Variants in CBFB observed in about 807,000 individuals in gnomAD.
CBFB encodes CBF-beta.
In CBFB, 9 loss-of-function variants were observed where a neutral mutation model predicts 30.4. The observed-to-expected ratio is 0.30, with a 90% CI of 0.18 to 0.52. The LOEUF (loss-of-function observed/expected upper bound fraction) is 0.52. Among genes scored for constraint, CBFB ranks in the 20% least tolerant of loss-of-function variants. CBFB has a pLI of 0.97. For missense variants in CBFB, 170 were observed against 244.0 expected, an observed-to-expected ratio of 0.70 and a Z score of 2.02; for synonymous variants, 94 against 84.0, an observed-to-expected ratio of 1.12 and a Z score of -0.65.
At chr16:67,057,445 GT>G (rs1322603458) in intron 3 of CBFB, among the ~76,000 whole-genome samples, 1 of 152,098 alleles carries the variant, frequency 6.6e-6, no homozygotes, top group African/African-American at 2.4e-5. Context: ...CTTTGATTAA[GT>G]TTTAGGCTAA....
At chr16:67,045,335 A>G (rs1317399829) in intron 3 of CBFB, among the ~76,000 whole-genome samples, 1 of 151,926 alleles carries the variant, frequency 6.6e-6, no homozygotes, top group African/African-American at 2.4e-5. Context: ...GGCCAACGTG[A>G]TGAAACCCCA....
chr16:67,057,555 T>C (rs571253489), intron 3 of CBFB, among the ~76,000 whole-genome samples: 2 of 152,282 alleles, frequency 1.3e-5, no homozygotes, highest in Non-Finnish European at 2.9e-5. Flanking sequence ...CCCCTGACAA[T>C]GTAATATAAC....
chr16:67,071,854 G>A (rs956815850), intron 4 of CBFB, among the ~76,000 whole-genome samples: 3 of 152,082 alleles, frequency 2.0e-5, no homozygotes, highest in African/African-American at 7.2e-5. Flanking sequence ...TTCTCCAGAT[G>A]TCTGTCTTGT....
At chr16:67,056,147 G>A (rs1960717112) in intron 3 of CBFB, among the ~76,000 whole-genome samples, 1 of 152,152 alleles carries the variant, frequency 6.6e-6, no homozygotes, top group Non-Finnish European at 1.5e-5. Context: ...TTCATTTTGT[G>A]CTTTTTGTTG....
At chr16:67,057,858 T>G (rs556055307) in intron 3 of CBFB, among the ~76,000 whole-genome samples, 9 of 152,302 alleles carry the variant, frequency 5.9e-5, no homozygotes, top group African/African-American at 1.4e-4. Flanking sequence ...TTTGTTCCAT[T>G]AAGTTGTAGC....
At chr16:67,030,030 G>C in intron 2 of CBFB, 1 of 456,718 alleles carries the variant, frequency 2.2e-6, no homozygotes, top group Non-Finnish European at 3.8e-6. Flanking sequence ...GGCGCGTGTC[G>C]GCCAACGGAG....
chr16:67,067,748 A>C (rs907451833), intron 4 of CBFB, among the ~76,000 whole-genome samples: 1 of 152,230 alleles, frequency 6.6e-6, no homozygotes, highest in Admixed American at 6.5e-5. Context: ...TGGGAAAAAA[A>C]AAATCCATGC....
At chr16:67,060,481 T>G (rs927321175) in intron 3 of CBFB, among the ~76,000 whole-genome samples, 2 of 152,200 alleles carry the variant, frequency 1.3e-5, no homozygotes, top group African/African-American at 4.8e-5. Context: ...CCCTGGCAAC[T>G]ACTTATCTCC....
At chr16:67,072,323 C>G (rs1231909447) in intron 4 of CBFB, among the ~76,000 whole-genome samples, 1 of 152,084 alleles carries the variant, frequency 6.6e-6, no homozygotes, top group East Asian at 1.9e-4. Flanking sequence ...TATCTTTATG[C>G]TAATCTTCTG....
intron 4 of CBFB, among the ~76,000 whole-genome samples, chr16:67,068,201 G>A (rs1040771198): frequency 3.3e-5 from 5 of 152,188 alleles, no homozygotes; most frequent in African/African-American, 1.2e-4. Context: ...AAAGACAGCT[G>A]TGCGCAGTGG....
At chr16:67,085,872 G>A (rs1398871435) in intron 5 of CBFB, among the ~76,000 whole-genome samples, 1 of 151,784 alleles carries the variant, frequency 6.6e-6, no homozygotes, top group East Asian at 1.9e-4. Flanking sequence ...TAGAGACGGG[G>A]TTTCACCGTG....
chr16:67,070,351 C>T (rs557591609), intron 4 of CBFB, among the ~76,000 whole-genome samples: 1 of 152,264 alleles, frequency 6.6e-6, no homozygotes, highest in South Asian at 2.1e-4. Flanking sequence ...CCAGCCTAGG[C>T]AACATAATGA....
At chr16:67,091,734 T>A (rs34943221) in intron 5 of CBFB, among the ~76,000 whole-genome samples, 16,936 of 152,034 alleles carry the variant, frequency 0.11, 1,857 homozygotes, top group African/African-American at 0.28. Flanking sequence ...CTTTTTAAAA[T>A]TTTTTTTTAA....
chr16:67,040,260 C>T (rs962534163), intron 3 of CBFB, among the ~76,000 whole-genome samples: 1 of 152,232 alleles, frequency 6.6e-6, no homozygotes, highest in South Asian at 2.1e-4. Context: ...TTATTTGCCT[C>T]TGTTCCTTAT....
chr16:67,032,331 T>A (rs1966365781), intron 2 of CBFB, among the ~76,000 whole-genome samples: 1 of 152,162 alleles, frequency 6.6e-6, no homozygotes, highest in Non-Finnish European at 1.5e-5. Flanking sequence ...TCTCCAAAAA[T>A]AAAACAAGTA....
chr16:67,032,351 A>G (rs2145706819), intron 2 of CBFB, among the ~76,000 whole-genome samples: 1 of 152,312 alleles, frequency 6.6e-6, no homozygotes, highest in African/African-American at 2.4e-5. Flanking sequence ...ATCTGATTCG[A>G]CACATTTTAC....
intron 3 of CBFB, among the ~76,000 whole-genome samples, chr16:67,064,492 A>G (rs1057014240): frequency 6.6e-6 from 1 of 152,232 alleles, no homozygotes; most frequent in Non-Finnish European, 1.5e-5. Flanking sequence ...AGCGTGAGCC[A>G]CCGTGCCCAG....
rs927099912 is a variant in CBFB at position 67,054,932 on chromosome 16, T to A, written c.283-11750T>A. 2.7e-3 allele frequency among the ~76,000 whole-genome samples: 393 copies of A among 145,422 alleles called. 2 individuals carry two copies. Among genetic ancestry groups the A allele is most frequent in the Non-Finnish European group, 4.8e-3 (312 of 65,572 alleles). On this transcript the variant is annotated intron_variant, in intron 3 of 5. Coordinates refer to ENST00000412916, the MANE Select transcript of CBFB (RefSeq NM_022845.3). ...ACCACGCCTGGCTAATTTTTTGTATTTTTTTTTTTTTTTTTAGTAGAGACA... is the reference window on the plus strand; with the variant it reads ...ACCACGCCTGGCTAATTTTTTGTATATTTTTTTTTTTTTTTAGTAGAGACA...
chr16:67,048,659 T>TACTGCC (rs1036626528), intron 3 of CBFB, among the ~76,000 whole-genome samples: 3 of 150,828 alleles, frequency 2.0e-5, no homozygotes, highest in Admixed American at 2.0e-4. Context: ...CATGCCATTC[T>TACTGCC]ACTGCCTCAG....
Sources: gnomAD v4.1 joint callset for allele counts (sites outside exome capture counted in the v4.1 genomes callset) on GRCh38, gnomAD v4.1.1 for gene constraint, MANE v1.5 for transcripts, NCBI Gene and HGNC (gene_info 2026-07-23, HGNC 2026-07-21) for gene names.